Variants in RBBP7 observed in about 807,000 individuals in gnomAD.
RBBP7 encodes histone-binding protein RBBP7.
In RBBP7, 5 loss-of-function variants were observed where a neutral mutation model predicts 35.2. The observed-to-expected ratio is 0.14, with a 90% CI of 0.07 to 0.30. The LOEUF (loss-of-function observed/expected upper bound fraction) is 0.30. Ranked by LOEUF, RBBP7 falls within the 10% of genes least tolerant of loss-of-function variation. RBBP7 has a pLI of 1.00. For synonymous variants in RBBP7, 140 were observed against 118.7 expected, an observed-to-expected ratio of 1.18 and a Z score of -1.17; for missense variants, 155 against 327.5, an observed-to-expected ratio of 0.47 and a Z score of 4.07.
At position 16,869,204 on chromosome X, in the gene RBBP7, C is replaced by T; in HGVS notation, c.33G>A (p.Val11=). ...ATTCTTCATTGATGACACGCTCCTC[C>T]ACAGTATCTTCAAACACTGAAATTT... MASKEMFEDT[V]EERVINEEYK... is the part of the protein sequence containing the mutation. The change falls in exon 2 of 12, where the codon GTG becomes GTA. Residue 11 remains valine, a synonymous_variant. Transcript: ENST00000380087. The T allele has an allele frequency of 8.3e-7, 1 of 1,206,741 alleles. No individual in the cohort carries two copies. The highest frequency in any genetic ancestry group is 1.1e-6 in the Non-Finnish European group (1 of 893,727).
At chrX:16,855,516 G>A (rs1300827165) in intron 5 of RBBP7, among the ~76,000 whole-genome samples, 1 of 111,912 alleles carries the variant, frequency 8.9e-6, no homozygotes, top group Non-Finnish European at 1.9e-5. Context: ...TGGTGCTCCT[G>A]CCATTCACAC....
chrX:16,860,706 A>AAAGAAAAAAAAT (rs1555898989), intron 3 of RBBP7, among the ~76,000 whole-genome samples: 1 of 109,527 alleles, frequency 9.1e-6, no homozygotes, highest in African/African-American at 3.4e-5. Context: ...AGAAAAAAAA[A>AAAGAAAAAAAAT]ATATATATAC....
At chrX:16,855,679 T>C (rs1254559995) in intron 5 of RBBP7, among the ~76,000 whole-genome samples, 1 of 110,844 alleles carries the variant, frequency 9.0e-6, no homozygotes, top group Non-Finnish European at 1.9e-5. Context: ...CTTATCCACT[T>C]TCCCTACTTG....
At chrX:16,855,694 A>G (rs1054157810) in intron 5 of RBBP7, among the ~76,000 whole-genome samples, 5 of 110,573 alleles carry the variant, frequency 4.5e-5, no homozygotes, top group African/African-American at 1.7e-4. Flanking sequence ...TACTTGGGAA[A>G]CCGTCTCATA....
intron 8 of RBBP7, 146 bp from the exon 9 acceptor site, chrX:16,852,268 A>G (rs890462242): frequency 6.9e-6 from 4 of 579,750 alleles, no homozygotes; most frequent in South Asian, 2.9e-5. Context: ...CCCGACTTTC[A>G]AGTGCTCTGC....
At chrX:16,865,393 TAAA>T (rs1930590344) in intron 2 of RBBP7, among the ~76,000 whole-genome samples, 1 of 111,795 alleles carries the variant, frequency 8.9e-6, no homozygotes, top group African/African-American at 3.3e-5. Flanking sequence ...GACCAACAAG[TAAA>T]AAATAACAGG....
intron 6 of RBBP7, 93 bp downstream of exon 6, chrX:16,853,589 T>TA (rs376093260): frequency 0.043 from 27,928 of 642,599 alleles, 224 homozygotes; most frequent in African/African-American, 0.13. Flanking sequence ...AGCCATAACT[T>TA]AAAAAAAAAA....
At chrX:16,865,063 C>CAAA (rs34381419) in intron 2 of RBBP7, among the ~76,000 whole-genome samples, 6,174 of 24,493 alleles carry the variant, frequency 0.25, 1,329 homozygotes, top group Non-Finnish European at 0.28. Context: ...GACCCTGTCT[C>CAAA]AAAAAAAAAA....
intron 5 of RBBP7, among the ~76,000 whole-genome samples, chrX:16,855,995 CAAAAAAAAAAAAA>C (rs754398259): frequency 1.9e-4 from 3 of 15,995 alleles, no homozygotes; most frequent in Non-Finnish European, 2.5e-4. Flanking sequence ...GACCTTGTCT[CAAAAAAAAAAAAA>C]AAAAAAAAAA....
At chrX:16,868,469 A>AGAT (rs1485665713) in intron 2 of RBBP7, among the ~76,000 whole-genome samples, 1 of 112,365 alleles carries the variant, frequency 8.9e-6, no homozygotes, top group Non-Finnish European at 1.9e-5. Context: ...TAGATTCTTC[A>AGAT]GATGTGCCAG....
At chrX:16,865,446 C>T (rs982636038) in intron 2 of RBBP7, among the ~76,000 whole-genome samples, 5 of 111,568 alleles carry the variant, frequency 4.5e-5, no homozygotes, top group Middle Eastern at 4.6e-3. Flanking sequence ...GGAACACTGT[C>T]CCAAGACGGA....
intron 1 of RBBP7, 43 bp downstream of exon 1, chrX:16,869,995 C>A: frequency 2.6e-6 from 2 of 769,297 alleles, no homozygotes; most frequent in Non-Finnish European, 3.1e-6. Flanking sequence ...GCGCCCGCCG[C>A]CCCCCGCGGC....
Position 16,845,787 on chromosome X carries a change from CCTTTA to C in RBBP7, c.1209+36_1209+40del, listed in dbSNP as rs749488976. The C allele has an allele frequency of 2.6e-5, 31 of 1,181,968 alleles. No individual in the cohort carries two copies. In the African/African-American group the frequency reaches 3.6e-4, roughly 14 times the overall value. The stretch of plus-strand genomic sequence containing the variant: ...TACATTATGTAAGTAGTAAATCTCT[CCTTTA>C]CAAGACAGTCATTCAAGAAAAACAT... On this transcript the variant is annotated intron_variant, in intron 11 of 11. Coordinates refer to ENST00000380087, the MANE Select transcript of RBBP7 (RefSeq NM_002893.4).
At chrX:16,869,244 C>G (rs1219564045) in intron 1 of RBBP7, 24 bp from the exon 2 acceptor site, 1 of 1,198,229 alleles carries the variant, frequency 8.3e-7, no homozygotes. Flanking sequence ...AAAGCCCACA[C>G]GATTAAGTGG....
chrX:16,869,066 A>C lies in RBBP7; in HGVS notation c.161+10T>G. The C allele has an allele frequency of 3.4e-6, 4 of 1,187,548 alleles. No homozygotes were observed. Among genetic ancestry groups the C allele is most frequent in the Non-Finnish European group, 4.5e-6 (4 of 888,664 alleles). On this transcript the variant is annotated intron_variant, in intron 2 of 11. Transcript: ENST00000380087. ...ATTTAAACAAAATAAAAGTTGCCAG[A>C]AACCCTTACTTAGTCACTTCAGGAA...
intron 5 of RBBP7, among the ~76,000 whole-genome samples, chrX:16,855,961 A>G (rs935131936): frequency 5.6e-5 from 5 of 89,987 alleles, no homozygotes; most frequent in Admixed American, 2.9e-4. Context: ...GAGCCACTGC[A>G]CTTCAGCCTG....
chrX:16,853,248 G>A (rs1435909973), intron 6 of RBBP7: 1 of 186,197 alleles, frequency 5.4e-6, no homozygotes, highest in African/African-American at 3.0e-5. Flanking sequence ...ATAAGTGAAT[G>A]AAGCCCTGTG....
chrX:16,865,063 CAAAAAAAAAAAA>C (rs34381419), intron 2 of RBBP7, among the ~76,000 whole-genome samples: 5 of 24,554 alleles, frequency 2.0e-4, no homozygotes, highest in African/African-American at 3.3e-4. Flanking sequence ...GACCCTGTCT[CAAAAAAAAAAAA>C]AAAAAAAAAA....
At chrX:16,859,373 T>C (rs146943192) in intron 3 of RBBP7, among the ~76,000 whole-genome samples, 2,938 of 112,151 alleles carry the variant, frequency 0.026, 113 homozygotes, top group African/African-American at 0.089. Flanking sequence ...CACACATACA[T>C]TGGCCCTGCC....
Sources: allele counts gnomAD v4.1 joint callset (sites outside exome capture counted in the v4.1 genomes callset), GRCh38; gene constraint gnomAD v4.1.1; transcripts MANE v1.5; gene names NCBI Gene and HGNC (gene_info 2026-07-23, HGNC 2026-07-21).